MGAT4A: variants seen among roughly 807,000 people sequenced by gnomAD.
MGAT4A encodes N-acetylglucosaminyltransferase IVa.
In MGAT4A, 33 loss-of-function variants were observed where a neutral mutation model predicts 74.1. The ratio of observed to expected loss-of-function variants is 0.45; its 90% CI spans 0.34 to 0.60. The LOEUF is 0.60. Ranked by LOEUF, MGAT4A falls within the 20% of genes least tolerant of loss-of-function variation. The probability of loss-of-function intolerance (pLI) is 0.02; values close to 1 mark genes in which losing one functional copy is unlikely to be tolerated. For missense variants in MGAT4A, 479 were observed against 628.3 expected (o/e 0.76, Z 2.54); for synonymous variants, 198 against 210.4 (o/e 0.94, Z 0.51).
At chr2:98,723,612 G>A (rs1471261016) in intron 2 of MGAT4A, among the ~76,000 whole-genome samples, 2 of 152,070 alleles carry the variant, frequency 1.3e-5, no homozygotes. Context: ...CACTGAGAGG[G>A]CCTGAGTCCT....
chr2:98,712,890 A>G (rs538268561), intron 2 of MGAT4A, among the ~76,000 whole-genome samples: 2 of 152,332 alleles, frequency 1.3e-5, no homozygotes, highest in South Asian at 4.1e-4. Context: ...GGCCAGGCAC[A>G]GTGGCTCATG....
At position 98,625,113 on chromosome 2, in the gene MGAT4A, A is replaced by C. The variant is rs1335531848; in HGVS notation, c.*453T>G. 2.2e-6 allele frequency: 2 copies of C among 897,576 alleles called. No homozygotes were observed. The highest frequency in any genetic ancestry group is 2.7e-6 in the Non-Finnish European group (2 of 750,136). The allele number at this position is 897,576 out of a possible 1,614,324, so 55.6% of individuals were successfully genotyped here. On this transcript the variant is annotated 3_prime_UTR_variant, in exon 16 of 16. Transcript: ENST00000393487. ...AATATGTACTTCTTAAGTGTTTCTA[A>C]TAAATTAATTCCATAACATTTTTAT...
At chr2:98,675,903 AT>A (rs1701971932) in intron 3 of MGAT4A, among the ~76,000 whole-genome samples, 2 of 152,092 alleles carry the variant, frequency 1.3e-5, no homozygotes, top group East Asian at 1.9e-4. Context: ...CATGGAAGGA[AT>A]TTTTTTTCTG....
Position 98,643,938 on chromosome 2 carries a change from G to A in MGAT4A, c.1005C>T (p.Asn335=). Residue 335 remains asparagine (N), a synonymous_variant, in exon 10 of 16, where the codon AAC becomes AAT. Coordinates refer to ENST00000393487, the MANE Select transcript of MGAT4A (RefSeq NM_012214.3). The part of the protein sequence containing the change: ...LDHILWVKVC[N]PEKDAKHCDR... ...ATTAACTTACTGCATCTTTTTCAGG[G>A]TTGCAGACTTTCACCCAGAGAATAT... 1 of 1,562,974 alleles carries A rather than the reference G, an allele frequency of 6.4e-7. No homozygotes were observed. The highest frequency in any genetic ancestry group is 8.7e-7 in the Non-Finnish European group (1 of 1,147,844).
rs556886315 is a variant in MGAT4A at position 98,620,110 on chromosome 2, G to T, written c.*5456C>A. Reference sequence around the variant, plus strand: ...CAAACCGGGTGAAGGAGTGTTTCAGGTAAGAAGAAGAGTTTATATATAGGT... The same window carrying T: ...CAAACCGGGTGAAGGAGTGTTTCAGTTAAGAAGAAGAGTTTATATATAGGT... On this transcript the variant is annotated 3_prime_UTR_variant, in exon 16 of 16. Coordinates refer to ENST00000393487, the MANE Select transcript of MGAT4A (RefSeq NM_012214.3). 3 of 152,082 alleles carry T rather than the reference G, an allele frequency of 2.0e-5. No individual in the cohort carries two copies. Among genetic ancestry groups the T allele is most frequent in the Non-Finnish European group, 4.4e-5 (3 of 68,036 alleles). 9.4% of individuals were successfully genotyped at this position (152,082 alleles called of 1,614,324 possible). A position where few individuals can be genotyped will look rare whatever the true frequency, so the allele number is the denominator to read the frequency against.
At chr2:98,674,894 G>T in intron 4 of MGAT4A, 141 bp downstream of exon 4, 2 of 736,260 alleles carry the variant, frequency 2.7e-6, no homozygotes, top group Non-Finnish European at 4.2e-6. Flanking sequence ...TTTCAACATG[G>T]AGTTTAGAAT....
chr2:98,726,754 T>A (rs908786791), intron 1 of MGAT4A, 187 bp from the exon 2 acceptor site: 1 of 164,504 alleles, frequency 6.1e-6, no homozygotes, highest in African/African-American at 2.4e-5. Flanking sequence ...TGGAAAAAAA[T>A]ACAAAACAGC....
rs374256801 is a variant in MGAT4A at position 98,704,717 on chromosome 2, C to A, written c.94+21522G>T. Among the ~76,000 whole-genome samples, 60 of 151,854 alleles carry A rather than the reference C, an allele frequency of 4.0e-4. No individual in the cohort carries two copies. The South Asian group carries it at 8.5e-3, about 22-fold the overall frequency. On this transcript the variant is annotated intron_variant, in intron 2 of 15. Coordinates refer to ENST00000393487, the MANE Select transcript of MGAT4A (RefSeq NM_012214.3). ...CCCAGGAGGCAGAGGTTGCAGTGAA[C>A]CATGATCACACCACTGCACTATAGC...
intron 2 of MGAT4A, among the ~76,000 whole-genome samples, chr2:98,683,115 AT>A (rs1213783794): frequency 9.2e-5 from 14 of 152,044 alleles, no homozygotes; most frequent in South Asian, 4.1e-4. Flanking sequence ...AATAAAAAAA[AT>A]AAATGGCTTC....
rs569127963 is a variant in MGAT4A, at chr2:98,715,294, G to A, written c.94+10945C>T. ...GATTGTGCCACTGCGTTCCAGCCTGGGTGACAGAGCTAGACTTCATCTCAA... is the reference window on the plus strand; with the variant it reads ...GATTGTGCCACTGCGTTCCAGCCTGAGTGACAGAGCTAGACTTCATCTCAA... On this transcript the variant is annotated intron_variant, in intron 2 of 15. Transcript: ENST00000393487. 1.4e-4 allele frequency among the ~76,000 whole-genome samples: 21 copies of A among 148,108 alleles called. No individual in the cohort carries two copies. The South Asian group carries it at 4.6e-3, about 32-fold the overall frequency.
intron 9 of MGAT4A, among the ~76,000 whole-genome samples, chr2:98,645,222 A>G (rs1160986978): frequency 6.6e-6 from 1 of 152,232 alleles, no homozygotes; most frequent in Non-Finnish European, 1.5e-5. Context: ...GCTACAGTAA[A>G]TACAATAATC....
chr2:98,692,126 G>A (rs1018992404), intron 2 of MGAT4A, among the ~76,000 whole-genome samples: 4 of 152,020 alleles, frequency 2.6e-5, no homozygotes, highest in Admixed American at 6.6e-5. Flanking sequence ...ACAGGGTCTC[G>A]TTTTGTCACC....
intron 5 of MGAT4A, among the ~76,000 whole-genome samples, chr2:98,660,418 G>GCACGCA (rs1553537217): frequency 1.4e-5 from 2 of 141,642 alleles, no homozygotes; most frequent in Admixed American, 7.0e-5. Context: ...ACACGCACGC[G>GCACGCA]CACACACACA....
intron 7 of MGAT4A, chr2:98,655,735 AATTCTC>A (rs1701648758): frequency 4.7e-6 from 2 of 422,886 alleles, no homozygotes; most frequent in East Asian, 8.0e-5. Context: ...CAAGAACACT[AATTCTC>A]AAGCTGTCCT....
chr2:98,706,326 C>G (rs1364314075), intron 2 of MGAT4A, among the ~76,000 whole-genome samples: 3 of 151,996 alleles, frequency 2.0e-5, no homozygotes, highest in Non-Finnish European at 4.4e-5. Flanking sequence ...AGAGGAGGGG[C>G]CACCGAGGTG....
At chr2:98,730,012 T>C (rs1048700024) in intron 1 of MGAT4A, among the ~76,000 whole-genome samples, 4 of 152,256 alleles carry the variant, frequency 2.6e-5, no homozygotes, top group Admixed American at 1.3e-4. Flanking sequence ...TATGTCAAGA[T>C]AACCTGTTCA....
rs376519588 is a variant in MGAT4A, at chr2:98,623,277, AAGCT to A, written c.*2285_*2288del. On this transcript the variant is annotated 3_prime_UTR_variant, in exon 16 of 16. Coordinates refer to ENST00000393487, the MANE Select transcript of MGAT4A (RefSeq NM_012214.3). ...GGGCAAACTGCATGAAAACAGGAAA[AAGCT>A]AGCCAGGCAGGCTGTCTTTAAAGAA... The A allele has an allele frequency of 3.0e-6, 3 of 985,254 alleles. No individual in the cohort carries two copies. The highest frequency in any genetic ancestry group is 3.5e-5 in the African/African-American group (2 of 57,196). The allele number at this position is 985,254 out of a possible 1,614,324, so 61.0% of individuals were successfully genotyped here.
chr2:98,683,991 T>C (rs1702096915), intron 2 of MGAT4A, among the ~76,000 whole-genome samples: 1 of 152,190 alleles, frequency 6.6e-6, no homozygotes, highest in Non-Finnish European at 1.5e-5. Flanking sequence ...TGTTTCTAAC[T>C]CCATTCTGCC....
intron 10 of MGAT4A, among the ~76,000 whole-genome samples, chr2:98,643,199 T>C (rs1294174398): frequency 1.3e-5 from 2 of 152,152 alleles, no homozygotes; most frequent in African/African-American, 4.8e-5. Flanking sequence ...AAAATCATTG[T>C]TTTTTTGTAG....
Sources: gnomAD v4.1 joint callset for allele counts (sites outside exome capture counted in the v4.1 genomes callset) on GRCh38, gnomAD v4.1.1 for gene constraint, MANE v1.5 for transcripts, NCBI Gene and HGNC (gene_info 2026-07-23, HGNC 2026-07-21) for gene names.